Variants in TESK2 observed in about 807,000 individuals in gnomAD.
The protein encoded by TESK2 is testis associated actin remodelling kinase 2, also known as dual specificity testis-specific protein kinase 2.
Under a neutral mutation model 57.1 loss-of-function variants are expected in TESK2, and 39 were observed. The observed-to-expected ratio is 0.68, with a 90% confidence interval of 0.53 to 0.89. The LOEUF (loss-of-function observed/expected upper bound fraction) is 0.89, where lower values mean the gene tolerates loss of function less well. Ranked by LOEUF, TESK2 falls within the 40% of genes least tolerant of loss-of-function variation. The pLI, the probability that TESK2 is intolerant of heterozygous loss-of-function variation, is 0.00. For missense variants in TESK2, 646 were observed against 732.1 expected (o/e 0.88, Z 1.36); for synonymous variants, 249 against 267.9 (o/e 0.93, Z 0.69).
intron 1 of TESK2, among the ~76,000 whole-genome samples, chr1:45,484,080 T>C (rs963972573): frequency 6.7e-6 from 1 of 149,908 alleles, no homozygotes; most frequent in African/African-American, 2.4e-5. Flanking sequence ...AAGGGCCAAC[T>C]GTATCATTTC....
chr1:45,392,188 C>T (rs1376974158), intron 3 of TESK2, among the ~76,000 whole-genome samples: 3 of 152,158 alleles, frequency 2.0e-5, no homozygotes, highest in African/African-American at 7.2e-5. Flanking sequence ...CGGGTTCAAG[C>T]AATTCTCCTG....
chr1:45,416,093 TTTTTTTTG>T (rs1465683644), intron 3 of TESK2, among the ~76,000 whole-genome samples: 2 of 134,582 alleles, frequency 1.5e-5, no homozygotes, highest in East Asian at 4.3e-4. Context: ...TTTTTTTTTT[TTTTTTTTG>T]AGACAAGCTC....
intron 3 of TESK2, among the ~76,000 whole-genome samples, chr1:45,387,157 G>A (rs926871424): frequency 2.6e-5 from 4 of 152,118 alleles, no homozygotes; most frequent in African/African-American, 9.7e-5. Context: ...GGTGGAAGAA[G>A]GAGAGTAGTC....
chr1:45,459,522 C>T (rs1652251102), intron 1 of TESK2, among the ~76,000 whole-genome samples: 1 of 152,188 alleles, frequency 6.6e-6, no homozygotes, highest in Non-Finnish European at 1.5e-5. Context: ...CACCACCAGA[C>T]CAAATACTTA....
chr1:45,362,820 C>T lies in TESK2; in HGVS notation c.394-7371G>A, dbSNP rs76137910. ...TGTGAAACACAAAGATAAATGGGGC[C>T]AGTCTCTGCCCACAGAGACTAGTCT... On this transcript the variant is annotated intron_variant, in intron 4 of 10. Coordinates refer to ENST00000372086, the MANE Select transcript of TESK2 (RefSeq NM_007170.3). Among the ~76,000 whole-genome samples, 354 of 152,222 alleles carry T rather than the reference C, an allele frequency of 2.3e-3. 7 individuals carry two copies. In the East Asian group the frequency reaches 0.031, roughly 13 times the overall value.
Position 45,346,708 on chromosome 1 carries a change from A to G in TESK2, c.864T>C (p.Thr288=). 6.2e-7 allele frequency: 1 copy of G among 1,613,816 alleles called. No homozygotes were observed. Among genetic ancestry groups the G allele is most frequent in the Non-Finnish European group, 8.5e-7 (1 of 1,179,914 alleles). The change falls in exon 9 of 11, where the codon ACT becomes ACC. Residue 288 remains threonine, a synonymous_variant. Coordinates refer to ENST00000372086, the MANE Select transcript of TESK2 (RefSeq NM_007170.3). ...AGACACTCACGTTACAGCAGTTGAAAGTAAGTTGCAGAAAATCTGGGGGAC... is the reference window on the plus strand; with the variant it reads ...AGACACTCACGTTACAGCAGTTGAAGGTAAGTTGCAGAAAATCTGGGGGAC... The part of the protein sequence containing the change: ...GDCPPDFLQL[T]FNCCNMDPKL...
intron 2 of TESK2, among the ~76,000 whole-genome samples, chr1:45,422,142 G>A (rs2149287057): frequency 6.6e-6 from 1 of 152,282 alleles, no homozygotes; most frequent in Non-Finnish European, 1.5e-5. Flanking sequence ...CATGTCCTTT[G>A]CAGGGACATA....
At chr1:45,373,530 A>C (rs929997950) in intron 4 of TESK2, among the ~76,000 whole-genome samples, 1 of 152,228 alleles carries the variant, frequency 6.6e-6, no homozygotes, top group Non-Finnish European at 1.5e-5. Context: ...ACAACTTCTC[A>C]TTTTTTGAAG....
intron 3 of TESK2, among the ~76,000 whole-genome samples, chr1:45,406,814 T>TA (rs778466907): frequency 1.3e-5 from 2 of 152,084 alleles, no homozygotes; most frequent in Non-Finnish European, 2.9e-5. Context: ...AGGCATATAA[T>TA]AAAAAATAAC....
At chr1:45,387,931 C>A (rs1304967932) in intron 3 of TESK2, among the ~76,000 whole-genome samples, 2 of 152,116 alleles carry the variant, frequency 1.3e-5, no homozygotes, top group Non-Finnish European at 2.9e-5. Flanking sequence ...CACTTGAACC[C>A]GGGAGGCGGA....
At position 45,441,314 on chromosome 1, in the gene TESK2, G is replaced by A. The variant is rs141942022; in HGVS notation, c.222+16250C>T. Among the ~76,000 whole-genome samples the A allele has an allele frequency of 5.7e-4, 87 of 152,154 alleles. No individual in the cohort carries two copies. The East Asian group carries it at 0.013, about 23-fold the overall frequency. ...GCATCCTGAGTAGCTGGGATTACAG[G>A]TGCCTACCATCACGCCCAGCTAATT... On this transcript the variant is annotated intron_variant, in intron 2 of 10. Coordinates refer to ENST00000372086, the MANE Select transcript of TESK2 (RefSeq NM_007170.3).
chr1:45,385,837 A>G, intron 4 of TESK2, 75 bp downstream of exon 4: 3 of 1,121,744 alleles, frequency 2.7e-6, no homozygotes, highest in Non-Finnish European at 3.9e-6. Context: ...TACATATGCA[A>G]GCAACACTTA....
chr1:45,393,212 C>T (rs1249920149), intron 3 of TESK2, among the ~76,000 whole-genome samples: 1 of 152,090 alleles, frequency 6.6e-6, no homozygotes, highest in Non-Finnish European at 1.5e-5. Flanking sequence ...TTGACCACAC[C>T]ATCTACAGAG....
At chr1:45,452,665 T>C (rs899969134) in intron 2 of TESK2, among the ~76,000 whole-genome samples, 2 of 151,894 alleles carry the variant, frequency 1.3e-5, no homozygotes, top group East Asian at 3.9e-4. Context: ...CCCAGCATTT[T>C]GGACTTTGGG....
chr1:45,346,142 C>T, intron 9 of TESK2, 148 bp from the exon 10 acceptor site: 2 of 657,852 alleles, frequency 3.0e-6, no homozygotes, highest in Admixed American at 2.5e-5. Context: ...GTGATCCCTA[C>T]AGTTCAGGTC....
At chr1:45,368,566 G>A (rs887880901) in intron 4 of TESK2, among the ~76,000 whole-genome samples, 1 of 151,476 alleles carries the variant, frequency 6.6e-6, no homozygotes, top group Non-Finnish European at 1.5e-5. Context: ...GTAGAGACGA[G>A]GTTTCACCTT....
intron 1 of TESK2, among the ~76,000 whole-genome samples, chr1:45,475,681 C>A (rs569492487): frequency 1.3e-5 from 2 of 152,204 alleles, no homozygotes; most frequent in Non-Finnish European, 2.9e-5. Flanking sequence ...TGTGAGGGTG[C>A]GGCCAAGGGA....
chr1:45,378,438 C>G (rs917620797), intron 4 of TESK2, among the ~76,000 whole-genome samples: 3 of 152,200 alleles, frequency 2.0e-5, no homozygotes, highest in African/African-American at 4.8e-5. Context: ...ACCAGTCTAA[C>G]TATCCTGAGA....
intron 1 of TESK2, among the ~76,000 whole-genome samples, chr1:45,465,533 AG>A (rs773314493): frequency 1.3e-5 from 2 of 148,438 alleles, no homozygotes; most frequent in Non-Finnish European, 2.9e-5. Context: ...AAAGAGAAAA[AG>A]AAAGAAAGAA....
Sources: gnomAD v4.1 joint callset for allele counts (sites outside exome capture counted in the v4.1 genomes callset) on GRCh38, gnomAD v4.1.1 for gene constraint, MANE v1.5 for transcripts, NCBI Gene and HGNC (gene_info 2026-07-23, HGNC 2026-07-21) for gene names.